URB1: variants seen among roughly 807,000 people sequenced by gnomAD.
The protein encoded by URB1 is nucleolar pre-ribosomal-associated protein 1.
A neutral mutation model predicts 242.3 loss-of-function variants in URB1; 197 were observed. The observed-to-expected ratio is 0.81, with a 90% CI of 0.72 to 0.91. The LOEUF is 0.91. Among genes scored for constraint, URB1 ranks in the 40% least tolerant of loss-of-function variants. The pLI is 0.00. For missense variants in URB1, 2,721 were observed against 2,860.5 expected (o/e 0.95, Z 1.11); for synonymous variants, 1,153 against 1,201.8 (o/e 0.96, Z 0.84).
At chr21:32,353,245 A>T (rs530689445) in intron 18 of URB1, among the ~76,000 whole-genome samples, 1 of 152,194 alleles carries the variant, frequency 6.6e-6, no homozygotes, top group Non-Finnish European at 1.5e-5. Context: ...TCTTGCGTGT[A>T]GGCTGGGACC....
At position 32,359,821 on chromosome 21, in the gene URB1, C is replaced by A. The variant is rs2033263699; in HGVS notation, c.1844G>T (p.Ser615Ile). The A allele has an allele frequency of 6.5e-7, 1 of 1,546,496 alleles. No homozygotes were observed. The highest frequency in any genetic ancestry group is 1.4e-5 in the African/African-American group (1 of 72,668). Residue 615 changes from serine to isoleucine, a missense_variant, in exon 14 of 39, where the codon AGC becomes ATC. Ser to Ile is a moderately radical substitution (Grantham distance 142, BLOSUM62 -2). Coordinates refer to ENST00000382751, the MANE Select transcript of URB1 (RefSeq NM_014825.3). The stretch of plus-strand genomic sequence containing the variant: ...CTGTGCCTTTAACCACAGAAACTTG[C>A]TGGCCGGCAGCTCCAGGGCCACCTT... ...MLKVALELPA[S>I]KFLWLKAQEG...
At chr21:32,358,301 G>A (rs1275572072) in intron 14 of URB1, among the ~76,000 whole-genome samples, 4 of 152,200 alleles carry the variant, frequency 2.6e-5, no homozygotes, top group Admixed American at 6.5e-5. Context: ...GCACCTGGCT[G>A]TTTACTGGGA....
chr21:32,326,280 G>C (rs2032828511), intron 30 of URB1, among the ~76,000 whole-genome samples: 1 of 152,226 alleles, frequency 6.6e-6, no homozygotes, highest in African/African-American at 2.4e-5. Context: ...TCGAGATAGA[G>C]TGACCAGTGG....
At chr21:32,340,967 T>G (rs1390432926) in intron 25 of URB1, among the ~76,000 whole-genome samples, 1 of 151,462 alleles carries the variant, frequency 6.6e-6, no homozygotes, top group East Asian at 1.9e-4. Flanking sequence ...ATTAGAAACA[T>G]CTCAGTGAAC....
At chr21:32,355,048 T>G (rs1423724789) in intron 16 of URB1, 51 bp from the exon 17 acceptor site, 1 of 1,503,752 alleles carries the variant, frequency 6.7e-7, no homozygotes, top group Non-Finnish European at 8.9e-7. Context: ...ACAGGTGAAA[T>G]GAAGAAGCCA....
At position 32,311,998 on chromosome 21, in the gene URB1, G is replaced by A. The variant is rs771061542; in HGVS notation, c.*2920C>T. 3 of 1,613,126 alleles carry A rather than the reference G, an allele frequency of 1.9e-6. No individual in the cohort carries two copies. Among genetic ancestry groups the A allele is most frequent in the South Asian group, 1.1e-5 (1 of 91,086 alleles). On this transcript the variant is annotated 3_prime_UTR_variant, in exon 39 of 39. Coordinates refer to ENST00000382751, the MANE Select transcript of URB1 (RefSeq NM_014825.3). ...AGGACCTCTCAATTGCAGAGCTGAT[G>A]TCAGTAAATCGTGGCCATAGCTGAG...
At chr21:32,337,194 C>A in intron 27 of URB1, 37 bp from the exon 28 acceptor site, 4 of 1,546,478 alleles carry the variant, frequency 2.6e-6, no homozygotes, top group East Asian at 4.9e-5. Flanking sequence ...GGAAGATGAA[C>A]CCCTGACACC....
chr21:32,318,764 C>T (rs2123541175), intron 36 of URB1, among the ~76,000 whole-genome samples: 1 of 152,262 alleles, frequency 6.6e-6, no homozygotes, highest in Middle Eastern at 3.4e-3. Context: ...CTGAAACATT[C>T]CAGAGAATTC....
chr21:32,346,903 C>A, intron 22 of URB1, 53 bp downstream of exon 22: 2 of 1,458,520 alleles, frequency 1.4e-6, no homozygotes, highest in Non-Finnish European at 1.8e-6. Context: ...AGTTCACCTT[C>A]TTAGCCCGTG....
intron 2 of URB1, among the ~76,000 whole-genome samples, chr21:32,384,871 C>T (rs1263268663): frequency 1.3e-5 from 2 of 152,144 alleles, no homozygotes; most frequent in African/African-American, 2.4e-5. Context: ...GTCCCAGCTA[C>T]TTGGGAGGCT....
At chr21:32,386,609 A>G (rs1023217015) in intron 1 of URB1, among the ~76,000 whole-genome samples, 3 of 152,230 alleles carry the variant, frequency 2.0e-5, no homozygotes, top group Non-Finnish European at 4.4e-5. Flanking sequence ...AGGTTTGACT[A>G]CTGAGTCTGG....
chr21:32,391,701 T>C (rs1232211991), intron 1 of URB1, among the ~76,000 whole-genome samples: 3 of 152,108 alleles, frequency 2.0e-5, no homozygotes, highest in Non-Finnish European at 2.9e-5. Flanking sequence ...GACTAGCAAG[T>C]ACAGGTATAG....
At chr21:32,388,370 G>C (rs1043405659) in intron 1 of URB1, among the ~76,000 whole-genome samples, 1 of 152,198 alleles carries the variant, frequency 6.6e-6, no homozygotes, top group African/African-American at 2.4e-5. Context: ...GCAGCCCCCC[G>C]GGTGTCCTCA....
At chr21:32,371,673 T>C (rs1245274004) in intron 8 of URB1, among the ~76,000 whole-genome samples, 1 of 152,222 alleles carries the variant, frequency 6.6e-6, no homozygotes, top group Non-Finnish European at 1.5e-5. Flanking sequence ...GCCTAAATCC[T>C]TGTGATATAA....
intron 20 of URB1, 56 bp downstream of exon 20, chr21:32,350,648 C>G: frequency 6.5e-7 from 1 of 1,531,346 alleles, no homozygotes; most frequent in Non-Finnish European, 8.8e-7. Context: ...TCAGAGAAGG[C>G]TTAGCTCTCT....
chr21:32,391,224 G>A (rs1009189694), intron 1 of URB1, among the ~76,000 whole-genome samples: 2 of 151,254 alleles, frequency 1.3e-5, no homozygotes, highest in Non-Finnish European at 2.9e-5. Flanking sequence ...TTGTCGGGTC[G>A]GGGGGAGGGG....
rs553293760 is a variant in URB1 at position 32,372,210 on chromosome 21, G to A, written c.1001+297C>T. ...GCCAACCCTCTCTGGCAAGGCAGACGCCTTTTCTGAGCTCCAGCTGACGAA... is the reference window on the plus strand; with the variant it reads ...GCCAACCCTCTCTGGCAAGGCAGACACCTTTTCTGAGCTCCAGCTGACGAA... On this transcript the variant is annotated intron_variant, in intron 8 of 38. Transcript: ENST00000382751. 8.5e-4 allele frequency among the ~76,000 whole-genome samples: 130 copies of A among 152,340 alleles called. 1 individual carries two copies. Among genetic ancestry groups the A allele is most frequent in the Admixed American group, 3.5e-3 (53 of 15,310 alleles).
At position 32,341,510 on chromosome 21, in the gene URB1, T is replaced by C; in HGVS notation, c.4272A>G (p.Glu1424=). 2 of 1,551,556 alleles carry C rather than the reference T, an allele frequency of 1.3e-6. No individual in the cohort carries two copies. The highest frequency in any genetic ancestry group is 8.7e-7 in the Non-Finnish European group (1 of 1,146,986). ...ATTTCTGCCAGTCACCAGGATCAAC[T>C]TCATTAAGTGCATGCTATGAATAAA... is the stretch of plus-strand genomic sequence containing the variant. ...RLNALLHALN[E]VDPGDWQKFV... The change falls in exon 25 of 39, where the codon GAA becomes GAG. Residue 1424 remains glutamate, a synonymous_variant. Coordinates refer to ENST00000382751, the MANE Select transcript of URB1 (RefSeq NM_014825.3).
At chr21:32,330,699 C>T (rs2032883921) in intron 30 of URB1, among the ~76,000 whole-genome samples, 1 of 152,180 alleles carries the variant, frequency 6.6e-6, no homozygotes, top group Admixed American at 6.5e-5. Context: ...ACCACTGAGG[C>T]ACAGGGGAAA....
Sources: allele counts gnomAD v4.1 joint callset (sites outside exome capture counted in the v4.1 genomes callset), GRCh38; gene constraint gnomAD v4.1.1; transcripts MANE v1.5; gene names NCBI Gene and HGNC (gene_info 2026-07-23, HGNC 2026-07-21).